The following SHISA9 variants were observed in gnomAD, a reference collection of about 807,000 sequenced individuals.
SHISA9 encodes the protein protein shisa-9.
SHISA9 carries 13 observed loss-of-function variants against 38.0 expected under a neutral mutation model. The ratio of observed to expected loss-of-function variants is 0.34; its 90% CI spans 0.22 to 0.54. SHISA9 has a LOEUF of 0.54. Among genes scored for constraint, SHISA9 ranks in the 20% least tolerant of loss-of-function variants. The pLI is 0.91. For synonymous variants in SHISA9, 275 were observed against 242.0 expected, an observed-to-expected ratio of 1.14 and a Z score of -1.27; for missense variants, 538 against 575.8, an observed-to-expected ratio of 0.93 and a Z score of 0.67.
intron 2 of SHISA9, among the ~76,000 whole-genome samples, chr16:13,182,096 A>C (rs1365588200): frequency 6.6e-6 from 1 of 152,196 alleles, no homozygotes. Context: ...TATGTAAAGA[A>C]AATAATTATG....
chr16:13,452,862 C>T, the SHISA9 span, among the ~76,000 whole-genome samples: 4 of 151,778 alleles, frequency 2.6e-5, no homozygotes, highest in African/African-American at 9.7e-5. Context: ...AGAATATACT[C>T]TCATCTTCTA....
the SHISA9 span, among the ~76,000 whole-genome samples, chr16:13,327,770 C>G: frequency 1.3e-5 from 2 of 151,946 alleles, no homozygotes; most frequent in Non-Finnish European, 2.9e-5. Flanking sequence ...GATTCTCGTG[C>G]CTCAGCCTCC....
chr16:12,902,713 C>G, intron 1 of SHISA9, 86 bp downstream of exon 1: 1 of 1,312,526 alleles, frequency 7.6e-7, no homozygotes, highest in Non-Finnish European at 1.0e-6. Flanking sequence ...ATGGCGCTCC[C>G]CACGGTCCCC....
chr16:13,333,358 C>A, the SHISA9 span, among the ~76,000 whole-genome samples: 1 of 152,178 alleles, frequency 6.6e-6, no homozygotes, highest in Non-Finnish European at 1.5e-5. Flanking sequence ...GTTTTGGGTA[C>A]AGGGTATCAC....
At chr16:12,908,387 T>C in intron 1 of SHISA9, 2 of 1,520,780 alleles carry the variant, frequency 1.3e-6, no homozygotes, top group Non-Finnish European at 1.8e-6. Flanking sequence ...TTGGCCTAAG[T>C]GGTGTTGAAA....
chr16:13,382,530 C>CAA, the SHISA9 span, among the ~76,000 whole-genome samples: 4,092 of 48,872 alleles, frequency 0.084, 184 homozygotes, highest in African/African-American at 0.2. Flanking sequence ...AACTCCATCT[C>CAA]AAAAAAAAAA....
chr16:12,984,222 G>A (rs1235331162), intron 2 of SHISA9, among the ~76,000 whole-genome samples: 1 of 152,122 alleles, frequency 6.6e-6, no homozygotes, highest in South Asian at 2.1e-4. Context: ...TAGCATCAAG[G>A]AAATGAGCAG....
chr16:13,292,852 G>A, the SHISA9 span, among the ~76,000 whole-genome samples: 2 of 152,134 alleles, frequency 1.3e-5, no homozygotes, highest in South Asian at 2.1e-4. Context: ...GTTGAATGAG[G>A]GCACTGCTTC....
chr16:13,098,193 C>T (rs557707880), intron 2 of SHISA9, among the ~76,000 whole-genome samples: 4 of 152,160 alleles, frequency 2.6e-5, no homozygotes, highest in Non-Finnish European at 5.9e-5. Context: ...GGATCAGATC[C>T]TGGCTATGAC....
chr16:13,170,581 TGGC>T (rs2050677338), intron 2 of SHISA9, among the ~76,000 whole-genome samples: 1 of 152,240 alleles, frequency 6.6e-6, no homozygotes, highest in Non-Finnish European at 1.5e-5. Flanking sequence ...CAAAGTACCA[TGGC>T]ACACGTTTAC....
chr16:13,015,076 C>T (rs1165824330), intron 2 of SHISA9, among the ~76,000 whole-genome samples: 2 of 152,182 alleles, frequency 1.3e-5, no homozygotes, highest in Admixed American at 6.5e-5. Context: ...TTGATTGTCT[C>T]GTATGTGTAG....
chr16:13,061,522 A>G (rs138272827), intron 2 of SHISA9, among the ~76,000 whole-genome samples: 51 of 152,306 alleles, frequency 3.3e-4, no homozygotes, highest in Non-Finnish European at 6.0e-4. Flanking sequence ...ACTTGGGTAT[A>G]AGGCCACTTT....
intron 1 of SHISA9, chr16:12,903,033 G>A: frequency 5.4e-6 from 1 of 184,006 alleles, no homozygotes; most frequent in Non-Finnish European, 1.1e-5. Context: ...AGGGGCAGGC[G>A]AGCCCGAAAG....
chr16:13,145,792 T>A (rs1413962408), intron 2 of SHISA9, among the ~76,000 whole-genome samples: 1 of 152,218 alleles, frequency 6.6e-6, no homozygotes. Context: ...GAGCACCTAC[T>A]GTGTGCCAGG....
chr16:13,445,861 G>C, the SHISA9 span, among the ~76,000 whole-genome samples: 2 of 152,140 alleles, frequency 1.3e-5, no homozygotes, highest in Non-Finnish European at 2.9e-5. Flanking sequence ...CCTTTAAAAT[G>C]GGGGCTAATA....
chr16:13,016,960 T>C (rs941793222), intron 2 of SHISA9, among the ~76,000 whole-genome samples: 14 of 152,144 alleles, frequency 9.2e-5, no homozygotes, highest in African/African-American at 2.7e-4. Flanking sequence ...TGTGTACATG[T>C]ATGCTGGGGT....
At chr16:13,406,545 T>C in the SHISA9 span, among the ~76,000 whole-genome samples, 1 of 152,208 alleles carries the variant, frequency 6.6e-6, no homozygotes, top group Admixed American at 6.5e-5. Context: ...CTTTCTACTG[T>C]CTTGTACTCC....
chr16:12,930,669 G>GA (rs1294241594), intron 2 of SHISA9, among the ~76,000 whole-genome samples: 3 of 152,022 alleles, frequency 2.0e-5, no homozygotes, highest in Admixed American at 2.0e-4. Flanking sequence ...GAATAATAAT[G>GA]AAAAAAACCT....
chr16:13,468,346 G>C, the SHISA9 span, among the ~76,000 whole-genome samples: 4 of 152,132 alleles, frequency 2.6e-5, no homozygotes, highest in African/African-American at 9.7e-5. Context: ...GAGGAGACCT[G>C]ACTTACTCAG....
Sources: allele counts gnomAD v4.1 joint callset (sites outside exome capture counted in the v4.1 genomes callset), GRCh38; gene constraint gnomAD v4.1.1; transcripts MANE v1.5; gene names NCBI Gene and HGNC (gene_info 2026-07-23, HGNC 2026-07-21).